The following PPP2R2B variants were observed in gnomAD, a reference collection of about 807,000 sequenced individuals.
PPP2R2B encodes the protein protein phosphatase 2 regulatory subunit Bbeta.
In PPP2R2B, 5 loss-of-function variants were observed where a neutral mutation model predicts 46.0. The ratio of observed to expected loss-of-function variants is 0.11; its 90% CI spans 0.06 to 0.23. The LOEUF (loss-of-function observed/expected upper bound fraction) is 0.23. PPP2R2B is among the 10% of genes least tolerant of loss of function. The pLI, the probability that PPP2R2B is intolerant of heterozygous loss-of-function variation, is 1.00. For synonymous variants in PPP2R2B, 215 were observed against 206.7 expected (o/e 1.04, Z -0.34); for missense variants, 367 against 575.0 (o/e 0.64, Z 3.70).
chr5:146,765,204 A>G (rs1330792435), intron 2 of PPP2R2B, among the ~76,000 whole-genome samples: 1 of 152,252 alleles, frequency 6.6e-6, no homozygotes, highest in Non-Finnish European at 1.5e-5. Flanking sequence ...TATATTTCAC[A>G]TTCATACATT....
intron 1 of PPP2R2B, among the ~76,000 whole-genome samples, chr5:147,025,985 G>A (rs1392399003): frequency 6.6e-6 from 1 of 152,106 alleles, no homozygotes; most frequent in African/African-American, 2.4e-5. Flanking sequence ...TCTACCAAAT[G>A]GTAGTGAGAA....
chr5:146,628,136 G>C (rs1015652710), intron 7 of PPP2R2B, among the ~76,000 whole-genome samples: 7 of 152,030 alleles, frequency 4.6e-5, no homozygotes, highest in African/African-American at 7.2e-5. Flanking sequence ...GTAGAGACAG[G>C]GTTTCACCTT....
At chr5:147,057,246 C>A (rs1757117366), upstream of PPP2R2B, among the ~76,000 whole-genome samples, 1 of 152,134 alleles carries the variant, frequency 6.6e-6, no homozygotes, top group South Asian at 2.1e-4. Flanking sequence ...CAGTGTCGGG[C>A]CATTTAGTTC....
chr5:146,918,311 T>G (rs1763466788), intron 1 of PPP2R2B: 2 of 152,208 alleles, frequency 1.3e-5, no homozygotes, highest in African/African-American at 4.8e-5. Flanking sequence ...ATTTCCATGT[T>G]TGCTCCACCA....
chr5:146,803,545 T>C lies in PPP2R2B; in HGVS notation c.70+74457A>G, dbSNP rs572886125. ...ATCAGGAGAAAAAAACACAATAGAA[T>C]GAATATTTGAAAATATTATATTCTA... On this transcript the variant is annotated intron_variant, in intron 2 of 9. Transcript: ENST00000394411. Among the ~76,000 whole-genome samples the C allele has an allele frequency of 3.9e-5, 6 of 152,284 alleles. No individual in the cohort carries two copies. In the South Asian group the frequency reaches 1.0e-3, roughly 26 times the overall value.
At chr5:147,051,753 CTTTTTTTTTTTTTTTT>C (rs60522229) in intron 1 of PPP2R2B, among the ~76,000 whole-genome samples, 5 of 92,366 alleles carry the variant, frequency 5.4e-5, no homozygotes, top group Middle Eastern at 5.6e-3. Flanking sequence ...GTTTTGCTTC[CTTTTTTTTTTTTTTTT>C]TTTTTTTTTT....
chr5:146,847,856 T>C (rs1387687681), intron 2 of PPP2R2B, among the ~76,000 whole-genome samples: 1 of 152,196 alleles, frequency 6.6e-6, no homozygotes, highest in Non-Finnish European at 1.5e-5. Context: ...ATGGATTTAG[T>C]AAATCACCCA....
chr5:146,689,662 G>A (rs1778721091), intron 5 of PPP2R2B, among the ~76,000 whole-genome samples: 1 of 152,120 alleles, frequency 6.6e-6, no homozygotes, highest in African/African-American at 2.4e-5. Context: ...GGAAAGTAAC[G>A]GAGCCAGAAT....
chr5:146,865,101 AG>A (rs1761231270), intron 2 of PPP2R2B, among the ~76,000 whole-genome samples: 2 of 152,240 alleles, frequency 1.3e-5, no homozygotes, highest in South Asian at 4.1e-4. Flanking sequence ...TTTCAGAATT[AG>A]TATAGCAAAT....
At chr5:147,072,172 A>G (rs921339847) in intron 2 of PPP2R2B, among the ~76,000 whole-genome samples, 7 of 152,280 alleles carry the variant, frequency 4.6e-5, no homozygotes, top group African/African-American at 1.4e-4. Context: ...GAAGAAAATT[A>G]GGTCTACTAT....
rs139733715 is a variant in PPP2R2B at position 147,080,444 on chromosome 5, C to T, written c.50+615G>A. ...TTGCCTATCATCCAGTGTTTTGTAA[C>T]GCAGACACCCTTAGGGAGAGTCATG... On this transcript the variant is annotated intron_variant, in intron 2 of 10. Transcript: ENST00000394413. Among the ~76,000 whole-genome samples, 1,446 of 152,124 alleles carry T rather than the reference C, an allele frequency of 9.5e-3. 5 individuals are homozygous for T. Among genetic ancestry groups the T allele is most frequent in the Non-Finnish European group, 0.013 (893 of 68,000 alleles).
intron 2 of PPP2R2B, among the ~76,000 whole-genome samples, chr5:146,876,331 C>T (rs1761896295): frequency 6.6e-6 from 1 of 152,184 alleles, no homozygotes; most frequent in Admixed American, 6.5e-5. Flanking sequence ...CACTCCTGTA[C>T]ACATAGCTCC....
intron 1 of PPP2R2B, among the ~76,000 whole-genome samples, chr5:146,982,208 C>T (rs1753210101): frequency 6.6e-6 from 1 of 152,084 alleles, no homozygotes; most frequent in Non-Finnish European, 1.5e-5. Context: ...ACATTTAGTG[C>T]TATAAATTTG....
At chr5:147,057,012 A>ATC (rs1283786814), upstream of PPP2R2B, among the ~76,000 whole-genome samples, 7 of 152,232 alleles carry the variant, frequency 4.6e-5, no homozygotes, top group African/African-American at 1.7e-4. Flanking sequence ...ATAAAATAAA[A>ATC]GTGTGCCTTG....
At chr5:146,701,614 A>G (rs938696279) in intron 2 of PPP2R2B, among the ~76,000 whole-genome samples, 42 of 152,184 alleles carry the variant, frequency 2.8e-4, no homozygotes, top group African/African-American at 1.0e-3. Context: ...GGAGGAACAG[A>G]GCACAAAGAA....
intron 1 of PPP2R2B, among the ~76,000 whole-genome samples, chr5:146,999,074 AT>A (rs1754051356): frequency 6.6e-6 from 1 of 150,706 alleles, no homozygotes; most frequent in South Asian, 2.1e-4. Flanking sequence ...TTCCTGTGCA[AT>A]TCTTCAGGCC....
chr5:146,763,992 G>C (rs533147726), intron 2 of PPP2R2B, among the ~76,000 whole-genome samples: 2 of 152,140 alleles, frequency 1.3e-5, no homozygotes, highest in African/African-American at 4.8e-5. Context: ...CTCCCAAAGT[G>C]CTGGGATTAC....
At chr5:146,624,329 C>T (rs1423536758) in intron 7 of PPP2R2B, among the ~76,000 whole-genome samples, 1 of 152,210 alleles carries the variant, frequency 6.6e-6, no homozygotes, top group East Asian at 1.9e-4. Flanking sequence ...GTTGTGAACT[C>T]GCTCTATGGC....
rs1236283215 is a variant in PPP2R2B at position 146,638,286 on chromosome 5, A to G, written c.755T>C (p.Met252Thr). 3.1e-6 allele frequency: 5 copies of G among 1,613,902 alleles called. No homozygotes were observed. Among genetic ancestry groups the G allele is most frequent in the Non-Finnish European group, 4.2e-6 (5 of 1,179,892 alleles). The part of the protein sequence containing the change: ...SSKGTIRLCD[M>T]RASALCDRHT... ...CCTGTCACACAGGGCAGATGCCCGC[A>G]TGTCACACAGCCGGATTGTCCCTTT... Residue 252 changes from methionine to threonine, a missense_variant, in exon 7 of 10, where the codon ATG becomes ACG. Met to Thr is a moderately conservative substitution (Grantham distance 81, BLOSUM62 -1). Transcript: ENST00000394411.
Sources: allele counts gnomAD v4.1 joint callset (sites outside exome capture counted in the v4.1 genomes callset), GRCh38; gene constraint gnomAD v4.1.1; transcripts MANE v1.5; gene names NCBI Gene and HGNC (gene_info 2026-07-23, HGNC 2026-07-21).